The following NPAS2 variants were observed in gnomAD, a reference collection of about 807,000 sequenced individuals.
NPAS2 encodes the protein neuronal PAS domain-containing protein 2.
NPAS2 carries 23 observed loss-of-function variants against 107.5 expected under a neutral mutation model. That is an observed-to-expected ratio of 0.21 (90% CI 0.15 to 0.30). The LOEUF (loss-of-function observed/expected upper bound fraction) is 0.30. NPAS2 is among the 10% of genes least tolerant of loss of function. The pLI is 1.00. For missense variants in NPAS2, 756 were observed against 1,043.3 expected (o/e 0.72, Z 3.79); for synonymous variants, 403 against 417.5 (o/e 0.97, Z 0.42).
chr2:100,971,037 A>G lies in NPAS2; in HGVS notation c.1103A>G (p.Asp368Gly). The G allele has an allele frequency of 6.2e-7, 1 of 1,613,976 alleles. No homozygotes were observed. Among genetic ancestry groups the G allele is most frequent in the Non-Finnish European group, 8.5e-7 (1 of 1,179,984 alleles). ...VERRQELALEDPPSEALHSSA... is the reference protein window; with the variant it reads ...VERRQELALEGPPSEALHSSA... ...AGGAGGCAGGAGCTGGCTCTGGAAGACCCGCCATCCGAGGCCCTCCACTCC... is the reference window on the plus strand; with the variant it reads ...AGGAGGCAGGAGCTGGCTCTGGAAGGCCCGCCATCCGAGGCCCTCCACTCC... The change falls in exon 12 of 21, where the codon GAC (aspartate) becomes GGC (glycine). Residue 368 changes from aspartate to glycine, a missense_variant. Around this residue, in one of 4 missense-constraint regions of NPAS2, gnomAD observed 496 missense variants for 594.4 expected, o/e 0.83. Coordinates refer to ENST00000335681, the MANE Select transcript of NPAS2 (RefSeq NM_002518.4).
intron 1 of NPAS2, among the ~76,000 whole-genome samples, chr2:100,845,341 T>C (rs1677709797): frequency 6.6e-6 from 1 of 152,182 alleles, no homozygotes; most frequent in African/African-American, 2.4e-5. Flanking sequence ...ATGCTGATTA[T>C]TGTAGATGAG....
intron 2 of NPAS2, among the ~76,000 whole-genome samples, chr2:100,907,572 G>A (rs1682247172): frequency 6.6e-6 from 1 of 151,824 alleles, no homozygotes; most frequent in Non-Finnish European, 1.5e-5. Flanking sequence ...AGTAACATGG[G>A]AGGCCCTTCC....
rs1002776947 is a variant in NPAS2 at position 100,890,341 on chromosome 2, G to A, written c.-22-14392G>A. Reference sequence around the variant, plus strand: ...TCATCATCTCTGACTATAGGGACAGGTGGGTGCAGGGAAGGGGTGGCAAAC... The same window carrying A: ...TCATCATCTCTGACTATAGGGACAGATGGGTGCAGGGAAGGGGTGGCAAAC... On this transcript the variant is annotated intron_variant, in intron 1 of 20. Transcript: ENST00000335681. 2.0e-5 allele frequency among the ~76,000 whole-genome samples: 3 copies of A among 152,272 alleles called. No homozygotes were observed. In the East Asian group the frequency reaches 5.8e-4, roughly 29 times the overall value.
chr2:100,949,372 A>G lies in NPAS2; in HGVS notation c.490A>G (p.Ser164Gly), dbSNP rs1198701996. The change falls in exon 7 of 21, where the codon AGC becomes GGC. Residue 164 changes from serine to glycine, a missense_variant. Coordinates refer to ENST00000335681, the MANE Select transcript of NPAS2 (RefSeq NM_002518.4). ...TTCTTCCTTTAACGGCCCAGCTGAC[A>G]GCGATTTAGAGTTTTATTGCCATCT... ...SPSPEYLKSD[S>G]DLEFYCHLLR... is the part of the protein sequence containing the mutation. 33 of 1,606,244 alleles carry G rather than the reference A, an allele frequency of 2.1e-5. No individual in the cohort carries two copies. Among genetic ancestry groups the G allele is most frequent in the Admixed American group, 5.0e-5 (3 of 59,986 alleles).
At chr2:100,822,333 C>G (rs1676120014) in intron 1 of NPAS2, among the ~76,000 whole-genome samples, 1 of 152,172 alleles carries the variant, frequency 6.6e-6, no homozygotes, top group South Asian at 2.1e-4. Context: ...TAGAAAACAA[C>G]AATTGTTTTT....
chr2:100,858,536 G>T (rs905176980), intron 1 of NPAS2, among the ~76,000 whole-genome samples: 2 of 152,152 alleles, frequency 1.3e-5, no homozygotes, highest in African/African-American at 4.8e-5. Context: ...TCGTTATGGG[G>T]AAGGCTGGCC....
At chr2:100,881,336 C>A (rs1489741736) in intron 1 of NPAS2, among the ~76,000 whole-genome samples, 1 of 152,220 alleles carries the variant, frequency 6.6e-6, no homozygotes, top group Non-Finnish European at 1.5e-5. Flanking sequence ...CCCGCCCAGT[C>A]AGAATCCATA....
intron 1 of NPAS2, among the ~76,000 whole-genome samples, chr2:100,867,553 T>C (rs2104557031): frequency 6.6e-6 from 1 of 152,262 alleles, no homozygotes; most frequent in Non-Finnish European, 1.5e-5. Flanking sequence ...TTTTTTCTCC[T>C]TTTACTCTTT....
At chr2:100,969,746 T>G (rs1676432784) in intron 11 of NPAS2, among the ~76,000 whole-genome samples, 1 of 152,222 alleles carries the variant, frequency 6.6e-6, no homozygotes, top group African/African-American at 2.4e-5. Flanking sequence ...CTATACCGTA[T>G]AGTGTATTGT....
intron 1 of NPAS2, among the ~76,000 whole-genome samples, chr2:100,847,712 C>T (rs113041041): frequency 1.3e-5 from 2 of 152,174 alleles, no homozygotes; most frequent in African/African-American, 4.8e-5. Flanking sequence ...ATGGGGAACC[C>T]GGCAAGGTGT....
intron 1 of NPAS2, among the ~76,000 whole-genome samples, chr2:100,899,133 G>C (rs1681613024): frequency 6.6e-6 from 1 of 152,152 alleles, no homozygotes; most frequent in South Asian, 2.1e-4. Flanking sequence ...AAGCGTGCTG[G>C]GGTGTCCTGG....
chr2:100,963,077 T>C (rs1248131545), intron 7 of NPAS2, among the ~76,000 whole-genome samples: 1 of 152,248 alleles, frequency 6.6e-6, no homozygotes, highest in Admixed American at 6.5e-5. Flanking sequence ...ACTAGGGAAC[T>C]AGCAAGTTTT....
Position 100,918,856 on chromosome 2 carries a change from T to C in NPAS2, c.33-6290T>C, listed in dbSNP as rs547888791. On this transcript the variant is annotated intron_variant, in intron 2 of 20. Transcript: ENST00000335681. The stretch of plus-strand genomic sequence containing the variant: ...GGTTTGGTAGTTTCTTATAAACATA[T>C]AGTTTCCATATGACCCAGACGTTCT... 9.0e-4 allele frequency among the ~76,000 whole-genome samples: 137 copies of C among 152,298 alleles called. 1 individual carries two copies. The highest frequency in any genetic ancestry group is 6.8e-3 in the Middle Eastern group (2 of 294).
rs1676189089 is a variant in NPAS2, at chr2:100,965,984, C to A, written c.907+218C>A. On this transcript the variant is annotated intron_variant, in intron 10 of 20. Coordinates refer to ENST00000335681, the MANE Select transcript of NPAS2 (RefSeq NM_002518.4). This position sits in a 1 kb window ranked among gnomAD's most constrained non-coding sequence, Gnocchi z 4.3. The stretch of plus-strand genomic sequence containing the variant: ...GAATTCACTTGGCCCCAAACCCTAG[C>A]ACCTTCCCACTGTCATCCAGATAGG... Among the ~76,000 whole-genome samples the A allele has an allele frequency of 6.6e-6, 1 of 152,208 alleles. No individual in the cohort carries two copies. Among genetic ancestry groups the A allele is most frequent in the South Asian group, 2.1e-4 (1 of 4,830 alleles).
At chr2:100,992,636 C>T (rs1266770167) in intron 19 of NPAS2, among the ~76,000 whole-genome samples, 1 of 152,172 alleles carries the variant, frequency 6.6e-6, no homozygotes, top group Non-Finnish European at 1.5e-5. Flanking sequence ...TGTGAAGGGA[C>T]ATCTCATTTT....
rs557497041 is a variant in NPAS2, at chr2:100,941,561, C to CA, written c.363+3729dup. Among the ~76,000 whole-genome samples, 749 of 146,744 alleles carry CA rather than the reference C, an allele frequency of 5.1e-3. 3 individuals carry two copies. Among genetic ancestry groups the CA allele is most frequent in the African/African-American group, 6.1e-3 (244 of 39,988 alleles). ...CAGGGTGACAGAGTGAGACCTGGCT[C>CA]AAAAAAAAAATAACAATAATAATGA... is the stretch of plus-strand genomic sequence containing the variant. On this transcript the variant is annotated intron_variant, in intron 5 of 20. Coordinates refer to ENST00000335681, the MANE Select transcript of NPAS2 (RefSeq NM_002518.4).
chr2:100,843,608 C>T (rs1457199215), intron 1 of NPAS2, among the ~76,000 whole-genome samples: 7 of 152,010 alleles, frequency 4.6e-5, no homozygotes, highest in Admixed American at 4.6e-4. Context: ...TGGCTCTGAC[C>T]CTTGTTTTCT....
Position 100,974,788 on chromosome 2 carries a change from A to G in NPAS2, c.1141-15A>G, listed in dbSNP as rs764254650. On this transcript the variant is annotated splice_polypyrimidine_tract_variant and intron_variant, in intron 12 of 20. Transcript: ENST00000335681. ...TTGATGCTGACATGAGGACTGTTTG[A>G]TGTGTGTGTTTCAGGACAAGGGCTC... The G allele has an allele frequency of 3.0e-5, 49 of 1,612,264 alleles. No homozygotes were observed. Among genetic ancestry groups the G allele is most frequent in the Non-Finnish European group, 4.1e-5 (48 of 1,179,122 alleles).
chr2:100,876,239 A>G (rs1679959020), intron 1 of NPAS2, among the ~76,000 whole-genome samples: 2 of 152,164 alleles, frequency 1.3e-5, no homozygotes, highest in African/African-American at 4.8e-5. Flanking sequence ...ACCTTTCTCC[A>G]GGGTGAACAG....
Sources: allele counts gnomAD v4.1 joint callset (sites outside exome capture counted in the v4.1 genomes callset), GRCh38; gene constraint gnomAD v4.1.1; regional missense constraint gnomAD v4.1.1; non-coding constraint Gnocchi (gnomAD v3.1); transcripts MANE v1.5; gene names NCBI Gene and HGNC (gene_info 2026-07-23, HGNC 2026-07-21).